The following ERBB4 variants were observed in gnomAD, a reference collection of about 807,000 sequenced individuals.
ERBB4 encodes erb-b2 receptor tyrosine kinase 4.
In ERBB4, 42 loss-of-function variants were observed where a neutral mutation model predicts 158.0. That is an observed-to-expected ratio of 0.27 (90% CI 0.21 to 0.34). The LOEUF (loss-of-function observed/expected upper bound fraction) is 0.34, where lower values mean the gene tolerates loss of function less well. ERBB4 is among the 10% of genes least tolerant of loss of function. The pLI, the probability that ERBB4 is intolerant of heterozygous loss-of-function variation, is 1.00. For synonymous variants in ERBB4, 583 were observed against 558.7 expected (o/e 1.04, Z -0.61); for missense variants, 1,333 against 1,624.1 (o/e 0.82, Z 3.08).
chr2:211,456,678 T>A (rs979401777), intron 20 of ERBB4, among the ~76,000 whole-genome samples: 5 of 152,082 alleles, frequency 3.3e-5, no homozygotes, highest in South Asian at 2.1e-4. Flanking sequence ...AATTTTTCCA[T>A]GGATGTGGGA....
At chr2:211,777,866 T>C (rs905780124) in intron 4 of ERBB4, 2 of 152,176 alleles carry the variant, frequency 1.3e-5, no homozygotes, top group Non-Finnish European at 2.9e-5. Flanking sequence ...AACTTAGAAA[T>C]TTAGTTTAAA....
At chr2:212,421,864 A>G (rs148318734) in intron 1 of ERBB4, among the ~76,000 whole-genome samples, 6 of 152,350 alleles carry the variant, frequency 3.9e-5, no homozygotes, top group African/African-American at 7.2e-5. Context: ...AAGTGAATCA[A>G]TGTGTTTAGG....
At chr2:212,191,021 CAGCCCTA>C (rs1485691422) in intron 1 of ERBB4, among the ~76,000 whole-genome samples, 1 of 151,790 alleles carries the variant, frequency 6.6e-6, no homozygotes, top group Non-Finnish European at 1.5e-5. Context: ...CTGATCAACA[CAGCCCTA>C]AGGGCATTTT....
intron 1 of ERBB4, among the ~76,000 whole-genome samples, chr2:212,312,903 T>C (rs10932434): frequency 0.78 from 117,218 of 150,650 alleles, 48,037 homozygotes; most frequent in Non-Finnish European, 0.9. Context: ...AAAATCAGTA[T>C]ATTTTTAAAA....
At chr2:211,665,563 C>G in intron 14 of ERBB4, 86 bp from the exon 15 acceptor site, 18 of 1,264,700 alleles carry the variant, frequency 1.4e-5, no homozygotes, top group Non-Finnish European at 1.8e-5. Flanking sequence ...GTTACTGAGA[C>G]TTCAGTAGGT....
Position 211,433,576 on chromosome 2 carries a change from C to CAA in ERBB4, c.2488-2478_2488-2477dup, listed in dbSNP as rs143672010. 1.2e-3 allele frequency among the ~76,000 whole-genome samples: 175 copies of CAA among 144,108 alleles called. 1 individual carries two copies. The highest frequency in any genetic ancestry group is 7.4e-3 in the East Asian group (36 of 4,870). 94.5% of individuals were successfully genotyped at this position (144,108 alleles called of 152,430 possible). On this transcript the variant is annotated intron_variant, in intron 20 of 27. Transcript: ENST00000342788. ...AGCCTGGGCAACAGAGTGAGACTCT[C>CAA]AAAAAAAAATAAAATAAAATAAAAA...
intron 19 of ERBB4, among the ~76,000 whole-genome samples, chr2:211,599,328 A>AT (rs2068729008): frequency 6.6e-6 from 1 of 152,096 alleles, no homozygotes; most frequent in South Asian, 2.1e-4. Flanking sequence ...CTTTCATCAG[A>AT]TTTTTCAAAG....
chr2:212,259,807 C>T (rs922385379), intron 1 of ERBB4, among the ~76,000 whole-genome samples: 1 of 152,162 alleles, frequency 6.6e-6, no homozygotes, highest in African/African-American at 2.4e-5. Context: ...TGGTGGCTCA[C>T]GCTTGTAATC....
At position 212,042,692 on chromosome 2, in the gene ERBB4, T is replaced by A. The variant is rs575996568; in HGVS notation, c.234+82060A>T. On this transcript the variant is annotated intron_variant, in intron 2 of 27. Transcript: ENST00000342788. ...TGAAGCTCCCTGTAAGGAAACTGGA[T>A]CTCGCTCCTTGGTTAAAGACTTACT... 7.6e-4 allele frequency among the ~76,000 whole-genome samples: 116 copies of A among 152,260 alleles called. 1 individual carries two copies. Among genetic ancestry groups the A allele is most frequent in the African/African-American group, 2.6e-3 (109 of 41,586 alleles).
chr2:211,570,292 C>T (rs2067678647), intron 19 of ERBB4, among the ~76,000 whole-genome samples: 2 of 149,804 alleles, frequency 1.3e-5, no homozygotes, highest in South Asian at 2.1e-4. Flanking sequence ...GATGTGATTA[C>T]AGGCATCCGC....
At chr2:211,708,307 C>T (rs183846776) in intron 9 of ERBB4, among the ~76,000 whole-genome samples, 1 of 152,054 alleles carries the variant, frequency 6.6e-6, no homozygotes, top group East Asian at 1.9e-4. Context: ...CTGGAAAATA[C>T]CTTATAAATT....
intron 4 of ERBB4, among the ~76,000 whole-genome samples, chr2:211,774,466 T>G (rs1456674428): frequency 6.6e-6 from 1 of 152,144 alleles, no homozygotes; most frequent in Non-Finnish European, 1.5e-5. Context: ...CATAGGGTCT[T>G]CTCACCTTAT....
intron 3 of ERBB4, among the ~76,000 whole-genome samples, chr2:211,802,492 A>T (rs992873723): frequency 1.3e-5 from 2 of 152,238 alleles, no homozygotes; most frequent in African/African-American, 4.8e-5. Flanking sequence ...CTGGCAACAA[A>T]CATCTTGAAG....
chr2:212,332,261 C>T (rs1258979680), intron 1 of ERBB4, among the ~76,000 whole-genome samples: 2 of 152,042 alleles, frequency 1.3e-5, no homozygotes, highest in African/African-American at 2.4e-5. Context: ...GCTTGGCTCT[C>T]ATTCTCTCTC....
chr2:211,952,505 G>A (rs1265576726), intron 2 of ERBB4, among the ~76,000 whole-genome samples: 1 of 152,056 alleles, frequency 6.6e-6, no homozygotes, highest in African/African-American at 2.4e-5. Flanking sequence ...AAGAATCTCA[G>A]TAGCACAACA....
At chr2:211,392,846 A>C (rs2062832105) in intron 25 of ERBB4, among the ~76,000 whole-genome samples, 1 of 151,924 alleles carries the variant, frequency 6.6e-6, no homozygotes. Context: ...TTTTAGAGAC[A>C]GGGTTTCACT....
chr2:212,335,559 A>G (rs1267324682), intron 1 of ERBB4, among the ~76,000 whole-genome samples: 1 of 152,038 alleles, frequency 6.6e-6, no homozygotes, highest in Non-Finnish European at 1.5e-5. Flanking sequence ...TTTTCGTTTG[A>G]TTCAATTAAT....
At position 212,308,265 on chromosome 2, in the gene ERBB4, T is replaced by C. The variant is rs945855194; in HGVS notation, c.83-183362A>G. On this transcript the variant is annotated intron_variant, in intron 1 of 27. Coordinates refer to ENST00000342788, the MANE Select transcript of ERBB4 (RefSeq NM_005235.3). Reference sequence around the variant, plus strand: ...TTTCTGAATATTACCAGCCAAATTATAGTATATTCGGAATCATTCACAAAA... The same window carrying C: ...TTTCTGAATATTACCAGCCAAATTACAGTATATTCGGAATCATTCACAAAA... Among the ~76,000 whole-genome samples, 6 of 151,176 alleles carry C rather than the reference T, an allele frequency of 4.0e-5. No homozygotes were observed. In the Admixed American group the frequency reaches 4.0e-4, roughly 10 times the overall value.
chr2:211,490,785 C>T (rs1020480415), intron 20 of ERBB4, among the ~76,000 whole-genome samples: 1 of 151,968 alleles, frequency 6.6e-6, no homozygotes, highest in African/African-American at 2.4e-5. Flanking sequence ...TCCTAATTGG[C>T]AGTACAGTTC....
Sources: gnomAD v4.1 joint callset for allele counts (sites outside exome capture counted in the v4.1 genomes callset) on GRCh38, gnomAD v4.1.1 for gene constraint, MANE v1.5 for transcripts, NCBI Gene and HGNC (gene_info 2026-07-23, HGNC 2026-07-21) for gene names.